The following SLC43A2 variants were observed in gnomAD, a reference collection of about 807,000 sequenced individuals.
The protein encoded by SLC43A2 is solute carrier family 43 member 2.
SLC43A2 carries 38 observed loss-of-function variants against 63.2 expected under a neutral mutation model. The observed-to-expected ratio is 0.60, with a 90% CI of 0.46 to 0.79. The LOEUF (loss-of-function observed/expected upper bound fraction) is 0.79, where lower values mean the gene tolerates loss of function less well. SLC43A2 is among the 30% of genes least tolerant of loss of function. The pLI, the probability that SLC43A2 is intolerant of heterozygous loss-of-function variation, is 0.00. For synonymous variants in SLC43A2, 322 were observed against 331.0 expected, an observed-to-expected ratio of 0.97 and a Z score of 0.30; for missense variants, 644 against 756.2, an observed-to-expected ratio of 0.85 and a Z score of 1.74.
In SLC43A2 at chr17:1,577,619, A is replaced by G. The variant is rs2075954733; in HGVS notation, c.1424+631T>C. ...TCCCAGCAACACATGAGCTGGTCCCACATCAGAGACTGTGGATGATGATGT... is the reference window on the plus strand; with the variant it reads ...TCCCAGCAACACATGAGCTGGTCCCGCATCAGAGACTGTGGATGATGATGT... On this transcript the variant is annotated intron_variant, in intron 12 of 13. Transcript: ENST00000301335. This position sits in a 1 kb window ranked among gnomAD's most constrained non-coding sequence, Gnocchi z 4.9. 6.6e-6 allele frequency among the ~76,000 whole-genome samples: 1 copy of G among 152,238 alleles called. No homozygotes were observed. The highest frequency in any genetic ancestry group is 2.1e-4 in the South Asian group (1 of 4,836).
At position 1,585,936 on chromosome 17, in the gene SLC43A2, C is replaced by T; in HGVS notation, c.1194G>A (p.Glu398=). Residue 398 remains glutamate, a synonymous_variant, in exon 10 of 14, where the codon GAG becomes GAA. Transcript: ENST00000301335. ...ACTGGTTGGCGTCTTTCTCCTCGGG[C>T]TCCTCGGAGGCGTCTTCACACTCCT... The part of the protein sequence containing the change: ...RLKECEDASE[E]PEEKDANQGE... 6.2e-7 allele frequency: 1 copy of T among 1,613,746 alleles called. No homozygotes were observed. The highest frequency in any genetic ancestry group is 2.2e-5 in the East Asian group (1 of 44,890).
At chr17:1,627,948 C>T (rs984322550) in intron 1 of SLC43A2, 28 bp from the exon 2 acceptor site, 24 of 1,372,482 alleles carry the variant, frequency 1.7e-5, no homozygotes, top group Middle Eastern at 5.4e-4. Context: ...CGTCAGCGGC[C>T]GGCCCTTGCC....
At chr17:1,625,162 C>A (rs1434781864) in intron 2 of SLC43A2, among the ~76,000 whole-genome samples, 1 of 152,184 alleles carries the variant, frequency 6.6e-6, no homozygotes, top group African/African-American at 2.4e-5. Context: ...AAACCCATTG[C>A]CAACTTCCCG....
chr17:1,600,243 C>T (rs1450170159), intron 5 of SLC43A2, among the ~76,000 whole-genome samples: 2 of 141,492 alleles, frequency 1.4e-5, no homozygotes, highest in African/African-American at 5.2e-5. Context: ...CTCCACCTCC[C>T]GGGTCCAAGC....
At chr17:1,584,569 T>C (rs897715653) in intron 10 of SLC43A2, among the ~76,000 whole-genome samples, 1 of 151,984 alleles carries the variant, frequency 6.6e-6, no homozygotes, top group African/African-American at 2.4e-5. Flanking sequence ...ATCCCAGCAC[T>C]CTGGGAGGCC....
chr17:1,583,190 C>T lies in SLC43A2; in HGVS notation c.1350+14G>A, dbSNP rs529589755. 3.2e-5 allele frequency: 51 copies of T among 1,611,896 alleles called. No individual in the cohort carries two copies. In the South Asian group the frequency reaches 4.5e-4, roughly 14 times the overall value. The stretch of plus-strand genomic sequence containing the variant: ...CCCCACCTCCCACCTGCCCCTCCCA[C>T]TCCCCACACCCACCTGGAGAGGCAG... On this transcript the variant is annotated intron_variant, in intron 11 of 13. Coordinates refer to ENST00000301335, the MANE Select transcript of SLC43A2 (RefSeq NM_152346.3). This position sits in a 1 kb window ranked among gnomAD's most constrained non-coding sequence, Gnocchi z 5.5.
Position 1,572,792 on chromosome 17 carries a change from TG to T in SLC43A2, c.*2811del, listed in dbSNP as rs1373708983. On this transcript the variant is annotated 3_prime_UTR_variant, in exon 14 of 14. Coordinates refer to ENST00000301335, the MANE Select transcript of SLC43A2 (RefSeq NM_152346.3). ...CCCAGTAAGTGCCACACCCTGAGGGTGGGTGGGAGAGTGAGGCAGCACTGCC... is the reference window on the plus strand; with the variant it reads ...CCCAGTAAGTGCCACACCCTGAGGGTGGTGGGAGAGTGAGGCAGCACTGCC... 3 of 151,954 alleles carry T rather than the reference TG, an allele frequency of 2.0e-5. No homozygotes were observed. The highest frequency in any genetic ancestry group is 7.3e-5 in the African/African-American group (3 of 41,276). 9.4% of individuals were successfully genotyped at this position (151,954 alleles called of 1,614,324 possible).
In SLC43A2 at chr17:1,606,362, A is replaced by G. The variant is rs1002488629; in HGVS notation, c.501+6833T>C. Among the ~76,000 whole-genome samples, 1 of 152,106 alleles carries G rather than the reference A, an allele frequency of 6.6e-6. No homozygotes were observed. Among genetic ancestry groups the G allele is most frequent in the Non-Finnish European group, 1.5e-5 (1 of 68,004 alleles). ...CTCAGATCCCACCTCCCATGAAATC[A>G]TGCCTTCCTCAGGTTTAAAGTCAGA... On this transcript the variant is annotated intron_variant, in intron 5 of 13. Coordinates refer to ENST00000301335, the MANE Select transcript of SLC43A2 (RefSeq NM_152346.3). This position sits in a 1 kb window ranked among gnomAD's most constrained non-coding sequence, Gnocchi z 4.7.
intron 6 of SLC43A2, among the ~76,000 whole-genome samples, chr17:1,592,309 C>T (rs867635984): frequency 5.3e-5 from 8 of 152,334 alleles, no homozygotes; most frequent in Middle Eastern, 3.4e-3. Flanking sequence ...CACCTGTAAT[C>T]CTAGCTCCTT....
chr17:1,599,098 C>T (rs1166123286), intron 5 of SLC43A2, among the ~76,000 whole-genome samples: 1 of 152,180 alleles, frequency 6.6e-6, no homozygotes, highest in Admixed American at 6.6e-5. Context: ...CCTGTAATCG[C>T]AACACTTTGG....
intron 5 of SLC43A2, among the ~76,000 whole-genome samples, chr17:1,611,567 G>A (rs1907109734): frequency 6.6e-6 from 1 of 151,686 alleles, no homozygotes; most frequent in Admixed American, 6.6e-5. Flanking sequence ...CCCGGGAGGC[G>A]GAGGTTGCAG....
At chr17:1,600,440 CG>C (rs1455658626) in intron 5 of SLC43A2, among the ~76,000 whole-genome samples, 1 of 149,944 alleles carries the variant, frequency 6.7e-6, no homozygotes, top group African/African-American at 2.5e-5. Flanking sequence ...TATGAGCCAC[CG>C]CGCCCTTCCA....
chr17:1,588,637 T>TG (rs1401203859), intron 9 of SLC43A2, among the ~76,000 whole-genome samples: 1 of 137,260 alleles, frequency 7.3e-6, no homozygotes, highest in African/African-American at 2.8e-5. Context: ...TCGGAGGCCG[T>TG]GGTGAGCTAT....
chr17:1,577,336 T>C lies in SLC43A2; in HGVS notation c.1425-616A>G, dbSNP rs1490340702. Among the ~76,000 whole-genome samples, 1 of 151,438 alleles carries C rather than the reference T, an allele frequency of 6.6e-6. No homozygotes were observed. The highest frequency in any genetic ancestry group is 1.9e-4 in the East Asian group (1 of 5,132). On this transcript the variant is annotated intron_variant, in intron 12 of 13. Coordinates refer to ENST00000301335, the MANE Select transcript of SLC43A2 (RefSeq NM_152346.3). The surrounding 1 kb of genome is among the most constrained non-coding windows in gnomAD (Gnocchi z 4.9). Reference sequence around the variant, plus strand: ...TTTGGGAAACAGGCCCAGAGAGGAGTGTGGAGGCTGGGCTTGGCTCTGCAG... The same window carrying C: ...TTTGGGAAACAGGCCCAGAGAGGAGCGTGGAGGCTGGGCTTGGCTCTGCAG...
At chr17:1,627,604 A>C in intron 2 of SLC43A2, 111 bp downstream of exon 2, 1 of 934,264 alleles carries the variant, frequency 1.1e-6, no homozygotes, top group Non-Finnish European at 1.5e-6. Context: ...CTGATACCCT[A>C]GAGGCACTGG....
At chr17:1,599,167 C>T (rs150495624) in intron 5 of SLC43A2, among the ~76,000 whole-genome samples, 1,576 of 150,784 alleles carry the variant, frequency 0.01, 27 homozygotes, top group African/African-American at 0.036. Flanking sequence ...GGTGAAACCC[C>T]ATCTCTATTA....
At chr17:1,624,226 C>T (rs1395995305) in intron 2 of SLC43A2, among the ~76,000 whole-genome samples, 2 of 152,224 alleles carry the variant, frequency 1.3e-5, no homozygotes, top group African/African-American at 4.8e-5. Context: ...CGACTGAGCC[C>T]AGGAGTTCAA....
At chr17:1,603,455 CTT>C (rs1906270061) in intron 5 of SLC43A2, among the ~76,000 whole-genome samples, 1 of 151,632 alleles carries the variant, frequency 6.6e-6, no homozygotes, top group Non-Finnish European at 1.5e-5. Flanking sequence ...CTGAAACACA[CTT>C]TTGACCACCT....
In SLC43A2 at chr17:1,574,139, C is replaced by A. The variant is rs560373294; in HGVS notation, c.*1465G>T. 6.6e-6 allele frequency: 1 copy of A among 152,254 alleles called. No homozygotes were observed. The highest frequency in any genetic ancestry group is 2.4e-5 in the African/African-American group (1 of 41,406). 9.4% of individuals were successfully genotyped at this position (152,254 alleles called of 1,614,324 possible). Reference sequence around the variant, plus strand: ...GTAGGGATGGAAAGGGACCAGGATTCGCCTGTTTGGCTGGGAAAATCGGTA... The same window carrying A: ...GTAGGGATGGAAAGGGACCAGGATTAGCCTGTTTGGCTGGGAAAATCGGTA... On this transcript the variant is annotated 3_prime_UTR_variant, in exon 14 of 14. Transcript: ENST00000301335.
Sources: gnomAD v4.1 joint callset for allele counts (sites outside exome capture counted in the v4.1 genomes callset) on GRCh38, gnomAD v4.1.1 for gene constraint, Gnocchi (gnomAD v3.1) non-coding constraint, MANE v1.5 for transcripts, NCBI Gene and HGNC (gene_info 2026-07-23, HGNC 2026-07-21) for gene names.